The following DPH6 variants were observed in gnomAD, a reference collection of about 807,000 sequenced individuals.
DPH6 encodes diphthine--ammonia ligase.
DPH6 carries 33 observed loss-of-function variants against 38.2 expected under a neutral mutation model. That is an observed-to-expected ratio of 0.86 (90% CI 0.65 to 1.15). DPH6 has a LOEUF of 1.15. Ranked by LOEUF, DPH6 falls within the 50% of genes most tolerant of loss-of-function variation. The pLI, the probability that DPH6 is intolerant of heterozygous loss-of-function variation, is 0.00. For synonymous variants in DPH6, 108 were observed against 103.0 expected (o/e 1.05, Z -0.30); for missense variants, 325 against 320.0 (o/e 1.02, Z -0.12).
At chr15:35,270,157 T>C (rs753452265) in intron 3 of DPH6, among the ~76,000 whole-genome samples, 17 of 152,190 alleles carry the variant, frequency 1.1e-4, no homozygotes, top group Non-Finnish European at 2.5e-4. Context: ...TGCAATCCAC[T>C]GAGTTGAACT....
intron 3 of DPH6, among the ~76,000 whole-genome samples, chr15:35,365,464 G>A (rs1345962822): frequency 1.3e-5 from 2 of 151,948 alleles, no homozygotes; most frequent in African/African-American, 4.8e-5. Context: ...TCACCAAACT[G>A]GAACTTTATG....
At chr15:35,187,169 G>A in the DPH6 span, among the ~76,000 whole-genome samples, 1 of 152,166 alleles carries the variant, frequency 6.6e-6, no homozygotes, top group East Asian at 1.9e-4. Context: ...CATGGTAGGT[G>A]CTCAATAAAT....
At chr15:35,403,474 T>C (rs552649572) in intron 6 of DPH6, among the ~76,000 whole-genome samples, 2 of 152,066 alleles carry the variant, frequency 1.3e-5, no homozygotes, top group Non-Finnish European at 2.9e-5. Flanking sequence ...ATAGGCCCCC[T>C]GTTGTGCTAT....
At chr15:35,476,367 A>G (rs1472825939) in intron 3 of DPH6, among the ~76,000 whole-genome samples, 1 of 151,838 alleles carries the variant, frequency 6.6e-6, no homozygotes, top group African/African-American at 2.4e-5. Context: ...AGAACTGAGA[A>G]GGTTCAGTTT....
rs2052705261 is a variant in DPH6 at position 35,370,883 on chromosome 15, A to T, written c.*1267T>A. Reference sequence around the variant, plus strand: ...CTTATCTTCACACAAAAACCTGTTCATGGATGTTTATAGTCGCTTTATTCA... The same window carrying T: ...CTTATCTTCACACAAAAACCTGTTCTTGGATGTTTATAGTCGCTTTATTCA... On this transcript the variant is annotated 3_prime_UTR_variant, in exon 9 of 9. Coordinates refer to ENST00000256538, the MANE Select transcript of DPH6 (RefSeq NM_080650.4). The T allele has an allele frequency of 6.6e-6, 1 of 151,754 alleles. No homozygotes were observed. The highest frequency in any genetic ancestry group is 2.4e-5 in the African/African-American group (1 of 41,406). The allele number at this position is 151,754 out of a possible 1,614,324, so 9.4% of individuals were successfully genotyped here. A position where few individuals can be genotyped will look rare whatever the true frequency, so the allele number is the denominator to read the frequency against.
chr15:35,322,704 T>C (rs932393055), intron 3 of DPH6, among the ~76,000 whole-genome samples: 1 of 152,158 alleles, frequency 6.6e-6, no homozygotes, highest in African/African-American at 2.4e-5. Context: ...TTTTCTTCTA[T>C]TTTCAAAAAT....
intron 3 of DPH6, among the ~76,000 whole-genome samples, chr15:35,472,562 C>G (rs1253002871): frequency 2.0e-5 from 3 of 152,022 alleles, no homozygotes; most frequent in African/African-American, 7.3e-5. Context: ...TCCTGGACAC[C>G]AAACAGTACC....
intron 3 of DPH6, chr15:35,489,807 T>C (rs2054452984): frequency 1.0e-6 from 1 of 980,948 alleles, no homozygotes; most frequent in Admixed American, 6.2e-5. Context: ...TCATGTGCCG[T>C]TTTATTTGTC....
At chr15:35,362,968 A>C in intron 3 of DPH6, among the ~76,000 whole-genome samples, 1 of 152,060 alleles carries the variant, frequency 6.6e-6, no homozygotes, top group East Asian at 1.9e-4. Flanking sequence ...CATCTTTTTT[A>C]TTACTGATTT....
intron 3 of DPH6, among the ~76,000 whole-genome samples, chr15:35,283,191 C>CTCT (rs377516250): frequency 0.031 from 4,288 of 137,498 alleles, 197 homozygotes; most frequent in African/African-American, 0.1. Context: ...TCTTTTTCTT[C>CTCT]TCTTCTTCTT....
At chr15:35,279,815 ACCC>A (rs1212847692) in intron 3 of DPH6, among the ~76,000 whole-genome samples, 1 of 151,712 alleles carries the variant, frequency 6.6e-6, no homozygotes, top group African/African-American at 2.4e-5. Context: ...CTAACTCCCC[ACCC>A]CCCAAATTCA....
rs754610421 is a variant in DPH6 at position 35,402,432 on chromosome 15, G to A, written c.567+8403C>T. ...AAAATTATAGATGGGACTGAAGCTT[G>A]TATATCATCCATTATCATGTATAAT... On this transcript the variant is annotated intron_variant, in intron 6 of 8. Coordinates refer to ENST00000256538, the MANE Select transcript of DPH6 (RefSeq NM_080650.4). Among the ~76,000 whole-genome samples, 19 of 152,108 alleles carry A rather than the reference G, an allele frequency of 1.2e-4. 1 individual carries two copies. The highest frequency in any genetic ancestry group is 1.0e-3 in the South Asian group (5 of 4,830).
chr15:35,406,486 C>A (rs1414805174), intron 6 of DPH6, among the ~76,000 whole-genome samples: 1 of 151,910 alleles, frequency 6.6e-6, no homozygotes, highest in Admixed American at 6.6e-5. Flanking sequence ...AATTGACTGA[C>A]AAGGGGCAAG....
chr15:35,501,986 T>C (rs1470282596), intron 3 of DPH6, among the ~76,000 whole-genome samples: 1 of 152,152 alleles, frequency 6.6e-6, no homozygotes, highest in African/African-American at 2.4e-5. Context: ...ATCTCTGTGA[T>C]AAATGACCTA....
rs901122709 is a variant in DPH6 at position 35,339,179 on chromosome 15, T to C, written n.208-8102A>G. Among the ~76,000 whole-genome samples the C allele has an allele frequency of 2.0e-5, 3 of 151,612 alleles. No homozygotes were observed. The East Asian group carries it at 5.8e-4, about 29-fold the overall frequency. ...CATATGTACCCTAGAACTTAAAGTA[T>C]AATAAAAAATATATATATAAATAAA... On this transcript the variant is annotated intron_variant and non_coding_transcript_variant, in intron 3 of 3. Coordinates refer to the DPH6 transcript ENST00000558973.
chr15:35,399,556 A>C (rs566107829), intron 6 of DPH6, among the ~76,000 whole-genome samples: 50 of 152,330 alleles, frequency 3.3e-4, no homozygotes, highest in African/African-American at 1.2e-3. Flanking sequence ...ACAGTGGATA[A>C]AAACATACAC....
intron 3 of DPH6, among the ~76,000 whole-genome samples, chr15:35,455,119 A>T (rs2053980651): frequency 6.6e-6 from 1 of 152,220 alleles, no homozygotes; most frequent in African/African-American, 2.4e-5. Context: ...GTATTTTTAA[A>T]GACTCACTGA....
chr15:35,213,778 C>T (rs892270634), downstream of DPH6, among the ~76,000 whole-genome samples: 10 of 152,210 alleles, frequency 6.6e-5, no homozygotes, highest in Admixed American at 3.3e-4. Context: ...TCCAAACCCA[C>T]GCAGTGCTTA....
At chr15:35,424,048 T>A (rs62002917) in intron 5 of DPH6, among the ~76,000 whole-genome samples, 50,942 of 151,450 alleles carry the variant, frequency 0.34, 10,126 homozygotes, top group African/African-American at 0.56. Context: ...ACTTGTGGTC[T>A]TTTGTGGTTC....
Sources: gnomAD v4.1 joint callset for allele counts (sites outside exome capture counted in the v4.1 genomes callset) on GRCh38, gnomAD v4.1.1 for gene constraint, MANE v1.5 for transcripts, NCBI Gene and HGNC (gene_info 2026-07-23, HGNC 2026-07-21) for gene names.